Variants in ANKLE2 observed in about 807,000 individuals in gnomAD.
ANKLE2 encodes ankyrin repeat and LEM domain-containing protein 2.
A neutral mutation model predicts 84.2 loss-of-function variants in ANKLE2; 55 were observed. The observed-to-expected ratio is 0.65, with a 90% CI of 0.53 to 0.82. The LOEUF is 0.82. Among genes scored for constraint, ANKLE2 ranks in the 40% least tolerant of loss-of-function variants. The probability of loss-of-function intolerance (pLI) is 0.00; values close to 1 mark genes in which losing one functional copy is unlikely to be tolerated. For missense variants in ANKLE2, 1,238 were observed against 1,201.9 expected (o/e 1.03, Z -0.44); for synonymous variants, 551 against 486.1 (o/e 1.13, Z -1.76).
chr12:132,761,744 G>A lies in ANKLE2; in HGVS notation c.55C>T (p.Leu19=). ...AEWAALAWEL[L]GASVLLIAVR... ...GCGATCAGCAGCACCGAGGCGCCCA[G>A]CAGCTCCCAGGCCAGCGCCGCCCAC... The change falls in exon 1 of 13, where the codon CTG becomes TTG. Residue 19 remains leucine, a synonymous_variant. Coordinates refer to ENST00000357997, the MANE Select transcript of ANKLE2 (RefSeq NM_015114.3). 1.5e-6 allele frequency: 2 copies of A among 1,294,186 alleles called. No homozygotes were observed. The highest frequency in any genetic ancestry group is 2.0e-6 in the Non-Finnish European group (2 of 1,013,894). 80.2% of individuals were successfully genotyped at this position (1,294,186 alleles called of 1,614,324 possible). A position where few individuals can be genotyped will look rare whatever the true frequency, so the allele number is the denominator to read the frequency against.
chr12:132,729,680 C>CAAAAAG lies in ANKLE2; in HGVS notation c.2476_2481dup (p.Leu826_Phe827dup). On this transcript the variant is annotated inframe_insertion and splice_region_variant, in exon 11 of 13. Coordinates refer to ENST00000357997, the MANE Select transcript of ANKLE2 (RefSeq NM_015114.3). ...GTGCAGAGGGCAACACACTCCTACC[C>CAAAAAG]AAAAAGGAAGAGCCGCCTGGCCGGT... The CAAAAAG allele has an allele frequency of 6.3e-7, 1 of 1,596,314 alleles. No homozygotes were observed. The highest frequency in any genetic ancestry group is 1.4e-5 in the African/African-American group (1 of 70,948).
Position 132,756,554 on chromosome 12 carries a change from A to G in ANKLE2, c.182-1421T>C, listed in dbSNP as rs1189416113. 3 of 152,002 alleles carry G rather than the reference A, an allele frequency of 2.0e-5. No individual in the cohort carries two copies. The East Asian group carries it at 5.8e-4, about 29-fold the overall frequency. The allele number at this position is 152,002 out of a possible 1,614,324, so 9.4% of individuals were successfully genotyped here. A position where few individuals can be genotyped will look rare whatever the true frequency, so the allele number is the denominator to read the frequency against. ...CTCAACAACAACAACAAAAAAAAAGATGGCGGGGGGGAGTAATACATCTGA... is the reference window on the plus strand; with the variant it reads ...CTCAACAACAACAACAAAAAAAAAGGTGGCGGGGGGGAGTAATACATCTGA... On this transcript the variant is annotated intron_variant, in intron 1 of 12. Coordinates refer to ENST00000357997, the MANE Select transcript of ANKLE2 (RefSeq NM_015114.3).
intron 7 of ANKLE2, among the ~76,000 whole-genome samples, chr12:132,740,691 G>T (rs375667502): frequency 6.6e-6 from 1 of 152,054 alleles, no homozygotes. Context: ...GAAAACAGAG[G>T]AAGATGGCAG....
chr12:132,750,284 G>C (rs1454143470), intron 3 of ANKLE2, among the ~76,000 whole-genome samples: 1 of 151,824 alleles, frequency 6.6e-6, no homozygotes, highest in African/African-American at 2.4e-5. Flanking sequence ...TACTTGGGAG[G>C]CTAAAGCAGG....
At chr12:132,753,327 A>C (rs2044400191) in intron 2 of ANKLE2, among the ~76,000 whole-genome samples, 1 of 152,056 alleles carries the variant, frequency 6.6e-6, no homozygotes, top group African/African-American at 2.4e-5. Flanking sequence ...GTCTCAAAAA[A>C]AAAAACCACC....
rs116764965 is a variant in ANKLE2, at chr12:132,734,240, G to A, written c.1891+145C>T. 1,697 of 886,880 alleles carry A rather than the reference G, an allele frequency of 1.9e-3. 20 individuals carry two copies. The African/African-American group carries it at 0.026, about 13-fold the overall frequency. The allele number at this position is 886,880 out of a possible 1,614,324, so 54.9% of individuals were successfully genotyped here. A position where few individuals can be genotyped will look rare whatever the true frequency, so the allele number is the denominator to read the frequency against. Reference sequence around the variant, plus strand: ...AGCTTGGGTAACAAAGAGAGGTTCCGTCTCAAAAAATACTAACCTAAGGGA... The same window carrying A: ...AGCTTGGGTAACAAAGAGAGGTTCCATCTCAAAAAATACTAACCTAAGGGA... On this transcript the variant is annotated intron_variant, in intron 10 of 12. Transcript: ENST00000357997.
chr12:132,759,120 CAG>C lies in ANKLE2; in HGVS notation c.181+2496_181+2497del, dbSNP rs1566041916. 68 of 43,628 alleles carry C rather than the reference CAG, an allele frequency of 1.6e-3. 8 individuals are homozygous for C. The highest frequency in any genetic ancestry group is 4.3e-3 in the African/African-American group (45 of 10,466). 2.7% of individuals were successfully genotyped at this position (43,628 alleles called of 1,614,324 possible). A position where few individuals can be genotyped will look rare whatever the true frequency, so the allele number is the denominator to read the frequency against. ...CACCCACGTGGCAGAGTGGATCACG[CAG>C]AGTGGCACCCCGGGGCACCCACGTG... On this transcript the variant is annotated intron_variant, in intron 1 of 12. Transcript: ENST00000357997.
intron 5 of ANKLE2, among the ~76,000 whole-genome samples, chr12:132,745,905 G>A (rs1036594079): frequency 2.0e-5 from 3 of 152,216 alleles, no homozygotes; most frequent in East Asian, 1.9e-4. Flanking sequence ...CGTGGCTACC[G>A]CATCCACATG....
chr12:132,747,894 C>T lies in ANKLE2; in HGVS notation c.1168G>A (p.Ala390Thr). 6.2e-7 allele frequency: 1 copy of T among 1,610,380 alleles called. No individual in the cohort carries two copies. The highest frequency in any genetic ancestry group is 1.7e-5 in the Admixed American group (1 of 58,388). Residue 390 changes from alanine (A) to threonine (T), a missense_variant, in exon 5 of 13, where the codon GCC (alanine) becomes ACC (threonine). By Grantham distance (58) the Ala-to-Thr change is moderately conservative. This residue lies in a region of ANKLE2 where 802 missense variants were observed against 774.5 expected (regional missense o/e 1.04). Transcript: ENST00000357997. ...TAACGGATACGCTTCTGCAGCATGG[C>T]CTCGTCGTCATCAGGGTACATCAGC... ...MRLMYPDDDE[A>T]MLQKRIRYVV...
chr12:132,736,357 TAAAAAAGTGTAC>T (rs2044008678), intron 8 of ANKLE2, among the ~76,000 whole-genome samples: 6 of 152,118 alleles, frequency 3.9e-5, no homozygotes, highest in Admixed American at 6.5e-5. Context: ...CAACTGTAAA[TAAAAAAGTGTAC>T]AACCTTTGAC....
At chr12:132,760,047 T>G (rs1321984840) in intron 1 of ANKLE2, 1 of 148,228 alleles carries the variant, frequency 6.7e-6, no homozygotes, top group East Asian at 2.0e-4. Flanking sequence ...TGCAGGAGAA[T>G]CGCTTGAACC....
At chr12:132,728,316 G>A (rs1453567441) in intron 11 of ANKLE2, among the ~76,000 whole-genome samples, 153 bp from the exon 12 acceptor site, 4 of 151,940 alleles carry the variant, frequency 2.6e-5, no homozygotes, top group African/African-American at 2.4e-5. Flanking sequence ...CGCAAGCTCC[G>A]CCTCCCGGGT....
rs1017362722 is a variant in ANKLE2, at chr12:132,736,009, T to C, written c.1594-497A>G. On this transcript the variant is annotated intron_variant, in intron 8 of 12. Coordinates refer to ENST00000357997, the MANE Select transcript of ANKLE2 (RefSeq NM_015114.3). ...CTCTGTCGCCCAGGCTGGAGTGCAG[T>C]GGTACGATCTCGGCTCACTGCAAGC... 4.6e-5 allele frequency among the ~76,000 whole-genome samples: 7 copies of C among 152,214 alleles called. No homozygotes were observed. In the South Asian group the frequency reaches 8.3e-4, roughly 18 times the overall value.
At position 132,741,456 on chromosome 12, in the gene ANKLE2, A is replaced by T; in HGVS notation, c.1383T>A (p.Ser461=). ...DVICERSKNK[S]VELKERIREY... is the part of the protein sequence containing the mutation. ...CTCTGATCCGCTCCTTCAGTTCCAC[A>T]GATTTATTTTTGCTTCTTTCACAAA... Residue 461 remains serine, a synonymous_variant, in exon 7 of 13, where the codon TCT becomes TCA. Coordinates refer to ENST00000357997, the MANE Select transcript of ANKLE2 (RefSeq NM_015114.3). 6.2e-7 allele frequency: 1 copy of T among 1,614,252 alleles called. No individual in the cohort carries two copies. Among genetic ancestry groups the T allele is most frequent in the South Asian group, 1.1e-5 (1 of 91,084 alleles).
intron 8 of ANKLE2, 88 bp from the exon 9 acceptor site, chr12:132,735,600 C>T: frequency 9.7e-7 from 1 of 1,030,122 alleles, no homozygotes; most frequent in Non-Finnish European, 1.5e-6. Flanking sequence ...ATCGCAGTAG[C>T]TGCCTGTCTC....
intron 3 of ANKLE2, among the ~76,000 whole-genome samples, chr12:132,749,532 G>A (rs543819931): frequency 3.3e-5 from 5 of 152,236 alleles, no homozygotes; most frequent in Non-Finnish European, 5.9e-5. Context: ...CCTGTTAGAA[G>A]CCACTCTGGT....
chr12:132,758,345 G>A (rs1184325586), intron 1 of ANKLE2: 3 of 152,122 alleles, frequency 2.0e-5, no homozygotes, highest in Non-Finnish European at 4.4e-5. Context: ...GCAGGCAGAG[G>A]TTGCAGTGAG....
intron 2 of ANKLE2, among the ~76,000 whole-genome samples, chr12:132,754,043 C>T (rs1458875367): frequency 6.6e-6 from 1 of 151,536 alleles, no homozygotes; most frequent in Non-Finnish European, 1.5e-5. Context: ...GAGTTCAAGA[C>T]CAGCCTGGCC....
At chr12:132,759,166 GA>G (rs2044556698) in intron 1 of ANKLE2, 1 of 47,298 alleles carries the variant, frequency 2.1e-5, no homozygotes, top group Non-Finnish European at 4.0e-5. Context: ...GATCGCTGCG[GA>G]GTGGCACCCC....
Sources: gnomAD v4.1 joint callset for allele counts (sites outside exome capture counted in the v4.1 genomes callset) on GRCh38, gnomAD v4.1.1 for gene constraint, gnomAD v4.1.1 regional missense constraint, MANE v1.5 for transcripts, NCBI Gene and HGNC (gene_info 2026-07-23, HGNC 2026-07-21) for gene names.